The following CCDC61 variants were observed in gnomAD, a reference collection of about 807,000 sequenced individuals.
CCDC61 encodes the protein centrosomal protein CCDC61.
A neutral mutation model predicts 63.0 loss-of-function variants in CCDC61; 55 were observed. The ratio of observed to expected loss-of-function variants is 0.87; its 90% CI spans 0.70 to 1.09. CCDC61 has a LOEUF of 1.09. Ranked by LOEUF, CCDC61 falls within the 50% of genes least tolerant of loss-of-function variation. The pLI, the probability that CCDC61 is intolerant of heterozygous loss-of-function variation, is 0.00. For missense variants in CCDC61, 651 were observed against 731.4 expected, an observed-to-expected ratio of 0.89 and a Z score of 1.27; for synonymous variants, 270 against 317.0, an observed-to-expected ratio of 0.85 and a Z score of 1.58.
rs2287306 is a variant in CCDC61, at chr19:46,016,768, A to G, written c.1166A>G (p.Gln389Arg). 0.76 allele frequency: 1,203,070 copies of G among 1,573,786 alleles called. 461,053 individuals carry two copies. The highest frequency in any genetic ancestry group is 0.82 in the African/African-American group (60,859 of 74,126). ...GPSVSWSRQTQPPAALTGRGD... is the reference protein window; with the variant it reads ...GPSVSWSRQTRPPAALTGRGD... ...TCCGTCTCCTGGTCTCGCCAGACCC[A>G]GCCCCCTGCTGCCTTGACTGGCCGA... The change falls in exon 10 of 14, where the codon CAG becomes CGG. Residue 389 changes from glutamine to arginine, a missense_variant. Coordinates refer to ENST00000595358, the MANE Select transcript of CCDC61 (RefSeq NM_001267723.2). The surrounding 1 kb of genome is among the most constrained non-coding windows in gnomAD (Gnocchi z 7.2).
intron 3 of CCDC61, 60 bp downstream of exon 3, chr19:46,003,561 G>C: frequency 1.6e-6 from 2 of 1,230,688 alleles, no homozygotes; most frequent in Non-Finnish European, 2.4e-6. Context: ...GGTTCCAGGG[G>C]GGTTGATGCC....
At chr19:46,003,967 C>G (rs1006551644) in intron 3 of CCDC61, among the ~76,000 whole-genome samples, 2 of 151,720 alleles carry the variant, frequency 1.3e-5, no homozygotes, top group African/African-American at 4.8e-5. Flanking sequence ...GAGATGGAGT[C>G]TCGCTCTGTC....
At chr19:46,002,890 C>G in intron 1 of CCDC61, 118 bp from the exon 2 acceptor site, 1 of 989,664 alleles carries the variant, frequency 1.0e-6, no homozygotes, top group South Asian at 1.6e-5. Flanking sequence ...GAGGTGAATT[C>G]GCTTTCCCAG....
rs1035730021 is a variant in CCDC61, at chr19:46,018,334, G to A, written c.1486G>A (p.Ala496Thr). The A allele has an allele frequency of 5.7e-6, 9 of 1,576,868 alleles. No homozygotes were observed. Among genetic ancestry groups the A allele is most frequent in the South Asian group, 2.3e-5 (2 of 85,878 alleles). The part of the protein sequence containing the change: ...HQAADMAEID[A>T]RLKALQEYMN... Reference sequence around the variant, plus strand: ...GGCGGCTGACATGGCCGAAATAGACGCACGCCTGAAGGCCTTGCAGGAGTA... The same window carrying A: ...GGCGGCTGACATGGCCGAAATAGACACACGCCTGAAGGCCTTGCAGGAGTA... The change falls in exon 14 of 14, where the codon GCA (alanine) becomes ACA (threonine). Residue 496 changes from alanine (A) to threonine (T), a missense_variant. Coordinates refer to ENST00000595358, the MANE Select transcript of CCDC61 (RefSeq NM_001267723.2). This position sits in a 1 kb window ranked among gnomAD's most constrained non-coding sequence, Gnocchi z 4.2.
At position 46,018,337 on chromosome 19, in the gene CCDC61, C is replaced by T. The variant is rs768189086; in HGVS notation, c.1489C>T (p.Arg497Cys). ...QAADMAEIDA[R>C]LKALQEYMNR... ...GGCTGACATGGCCGAAATAGACGCA[C>T]GCCTGAAGGCCTTGCAGGAGTACAT... The change falls in exon 14 of 14, where the codon CGC becomes TGC. Residue 497 changes from arginine to cysteine, a missense_variant. Transcript: ENST00000595358. The surrounding 1 kb of genome is among the most constrained non-coding windows in gnomAD (Gnocchi z 4.2). 27 of 1,576,966 alleles carry T rather than the reference C, an allele frequency of 1.7e-5. No homozygotes were observed. Among genetic ancestry groups the T allele is most frequent in the East Asian group, 2.4e-5 (1 of 42,462 alleles).
At chr19:46,006,414 C>T in intron 3 of CCDC61, 145 bp from the exon 4 acceptor site, 1 of 664,972 alleles carries the variant, frequency 1.5e-6, no homozygotes, top group Non-Finnish European at 2.4e-6. Flanking sequence ...TGCCCTAGGA[C>T]AGGGCCATGT....
In CCDC61 at chr19:46,015,819, T is replaced by C. The variant is rs1968920261; in HGVS notation, c.846-235T>C. Among the ~76,000 whole-genome samples the C allele has an allele frequency of 6.7e-6, 1 of 149,942 alleles. No homozygotes were observed. The highest frequency in any genetic ancestry group is 1.5e-5 in the Non-Finnish European group (1 of 67,526). ...TTGTGGAAGACTCCGGAAAGAAGGGTCTGTTGAAGGCGGTGTGTTGAAAGG... is the reference window on the plus strand; with the variant it reads ...TTGTGGAAGACTCCGGAAAGAAGGGCCTGTTGAAGGCGGTGTGTTGAAAGG... On this transcript the variant is annotated intron_variant, in intron 7 of 13. Coordinates refer to ENST00000595358, the MANE Select transcript of CCDC61 (RefSeq NM_001267723.2). The surrounding 1 kb of genome is among the most constrained non-coding windows in gnomAD (Gnocchi z 5.3).
intron 4 of CCDC61, among the ~76,000 whole-genome samples, chr19:46,007,530 A>G (rs1444753333): frequency 1.3e-5 from 2 of 152,206 alleles, no homozygotes; most frequent in Admixed American, 6.5e-5. Flanking sequence ...ATTTCCTGTA[A>G]TATGTGGCCA....
At chr19:46,005,060 G>C (rs1294581908) in intron 3 of CCDC61, among the ~76,000 whole-genome samples, 1 of 151,782 alleles carries the variant, frequency 6.6e-6, no homozygotes, top group Non-Finnish European at 1.5e-5. Flanking sequence ...GCCCAGGCTG[G>C]AGTGCAGTGG....
At chr19:46,006,298 C>A (rs990752442) in intron 3 of CCDC61, among the ~76,000 whole-genome samples, 3 of 152,206 alleles carry the variant, frequency 2.0e-5, no homozygotes, top group African/African-American at 7.2e-5. Context: ...CGTGGACCCC[C>A]CAGGGATCTG....
chr19:46,006,103 G>C (rs1463205743), intron 3 of CCDC61, among the ~76,000 whole-genome samples: 3 of 152,126 alleles, frequency 2.0e-5, no homozygotes, highest in Non-Finnish European at 4.4e-5. Context: ...TGAGACTGGG[G>C]AGATACAATA....
chr19:46,018,346 G>A lies in CCDC61; in HGVS notation c.1498G>A (p.Ala500Thr). Residue 500 changes from alanine (A) to threonine (T), a missense_variant, in exon 14 of 14, where the codon GCC becomes ACC. Coordinates refer to ENST00000595358, the MANE Select transcript of CCDC61 (RefSeq NM_001267723.2). This position sits in a 1 kb window ranked among gnomAD's most constrained non-coding sequence, Gnocchi z 4.2. ...DMAEIDARLK[A>T]LQEYMNRLDM... is the part of the protein sequence containing the mutation. ...GGCCGAAATAGACGCACGCCTGAAGGCCTTGCAGGAGTACATGAACCGACT... is the reference window on the plus strand; with the variant it reads ...GGCCGAAATAGACGCACGCCTGAAGACCTTGCAGGAGTACATGAACCGACT... 3.8e-6 allele frequency: 6 copies of A among 1,577,046 alleles called. No homozygotes were observed. Among genetic ancestry groups the A allele is most frequent in the Non-Finnish European group, 5.2e-6 (6 of 1,161,790 alleles).
intron 5 of CCDC61, among the ~76,000 whole-genome samples, chr19:46,008,757 G>A (rs1042679610): frequency 1.3e-5 from 2 of 152,152 alleles, no homozygotes; most frequent in African/African-American, 4.8e-5. Context: ...TGGGGACATA[G>A]TGGTGACCAA....
intron 1 of CCDC61, chr19:45,999,964 C>G: frequency 1.1e-6 from 1 of 947,864 alleles, no homozygotes; most frequent in Non-Finnish European, 1.3e-6. Flanking sequence ...GAGGCAGAGG[C>G]TGAGAAGAGG....
intron 5 of CCDC61, among the ~76,000 whole-genome samples, chr19:46,009,356 A>C (rs1228237411): frequency 6.6e-6 from 1 of 152,144 alleles, no homozygotes; most frequent in African/African-American, 2.4e-5. Context: ...GGGGAGGACT[A>C]ATAATATTTT....
intron 2 of CCDC61, 82 bp from the exon 3 acceptor site, chr19:46,003,337 G>C: frequency 6.8e-7 from 1 of 1,465,596 alleles, no homozygotes; most frequent in East Asian, 2.4e-5. Flanking sequence ...ACTGGAGTCG[G>C]GTAGAATTGC....
Position 46,015,259 on chromosome 19 carries a change from G to A in CCDC61, c.762G>A (p.Glu254=). 1 of 1,491,094 alleles carries A rather than the reference G, an allele frequency of 6.7e-7. No individual in the cohort carries two copies. The highest frequency in any genetic ancestry group is 8.9e-7 in the Non-Finnish European group (1 of 1,128,582). The allele number at this position is 1,491,094 out of a possible 1,614,324, so 92.4% of individuals were successfully genotyped here. The change falls in exon 6 of 14, where the codon GAG becomes GAA. Residue 254 remains glutamate, a splice_region_variant and synonymous_variant. Transcript: ENST00000595358. This position sits in a 1 kb window ranked among gnomAD's most constrained non-coding sequence, Gnocchi z 5.3. ...RGQDCRRLAK[E]LEEAKASERS... is the part of the protein sequence containing the mutation. The stretch of plus-strand genomic sequence containing the variant: ...AGGACTGCCGCCGTCTGGCCAAGGA[G>A]GTGAGCAGCGGGGGCCCGGGGCGGC...
intron 1 of CCDC61, among the ~76,000 whole-genome samples, chr19:46,002,197 G>A (rs1968603296): frequency 1.3e-5 from 2 of 151,698 alleles, no homozygotes; most frequent in African/African-American, 2.4e-5. Context: ...CACCTGCCTC[G>A]CCTCCCAAAG....
chr19:46,004,984 C>T (rs903044658), intron 3 of CCDC61, among the ~76,000 whole-genome samples: 1 of 150,926 alleles, frequency 6.6e-6, no homozygotes, highest in Admixed American at 6.6e-5. Context: ...GACTACAGGC[C>T]TGCCCACCAT....
Sources: allele counts gnomAD v4.1 joint callset (sites outside exome capture counted in the v4.1 genomes callset), GRCh38; gene constraint gnomAD v4.1.1; non-coding constraint Gnocchi (gnomAD v3.1); transcripts MANE v1.5; gene names NCBI Gene and HGNC (gene_info 2026-07-23, HGNC 2026-07-21).